The following SLIT3 variants were observed in gnomAD, a reference collection of about 807,000 sequenced individuals.
SLIT3 encodes slit homolog 3 protein.
Under a neutral mutation model 184.0 loss-of-function variants are expected in SLIT3, and 68 were observed. The ratio of observed to expected loss-of-function variants is 0.37; its 90% CI spans 0.30 to 0.45. The LOEUF is 0.45. Ranked by LOEUF, SLIT3 falls within the 20% of genes least tolerant of loss-of-function variation. The pLI is 1.00. For missense variants in SLIT3, 1,707 were observed against 2,026.0 expected (o/e 0.84, Z 3.02); for synonymous variants, 831 against 828.6 (o/e 1.00, Z -0.05).
At chr5:169,228,222 A>C (rs2113545935) in intron 3 of SLIT3, among the ~76,000 whole-genome samples, 1 of 152,294 alleles carries the variant, frequency 6.6e-6, no homozygotes, top group African/African-American at 2.4e-5. Context: ...AGAAAAACCT[A>C]GCAGTGCTGA....
In SLIT3 at chr5:169,251,242, T is replaced by A. The variant is rs1765762910; in HGVS notation, c.269+146A>T. ...AATGTGATACCTGTAAGCATGTGGGTACGCTAACGAGGGGCTTTCTGCTGC... is the reference window on the plus strand; with the variant it reads ...AATGTGATACCTGTAAGCATGTGGGAACGCTAACGAGGGGCTTTCTGCTGC... On this transcript the variant is annotated intron_variant, in intron 2 of 35. Coordinates refer to ENST00000519560, the MANE Select transcript of SLIT3 (RefSeq NM_003062.4). The A allele has an allele frequency of 1.3e-4, 84 of 648,164 alleles. 1 individual carries two copies. In the South Asian group the frequency reaches 1.5e-3, roughly 11 times the overall value. 40.2% of individuals were successfully genotyped at this position (648,164 alleles called of 1,614,324 possible). A position where few individuals can be genotyped will look rare whatever the true frequency, so the allele number is the denominator to read the frequency against.
intron 4 of SLIT3, among the ~76,000 whole-genome samples, chr5:168,914,997 A>C (rs1244517191): frequency 6.6e-6 from 1 of 152,222 alleles, no homozygotes; most frequent in African/African-American, 2.4e-5. Flanking sequence ...AGTATATAAA[A>C]ATCCATGAGT....
intron 3 of SLIT3, among the ~76,000 whole-genome samples, chr5:169,207,045 C>CTTT (rs560234312): frequency 0.029 from 4,113 of 140,814 alleles, 212 homozygotes; most frequent in African/African-American, 0.1. Flanking sequence ...TTTCCTTATT[C>CTTT]TTTTTTTTTT....
chr5:168,831,418 T>C (rs1421576289), intron 6 of SLIT3, among the ~76,000 whole-genome samples: 1 of 152,154 alleles, frequency 6.6e-6, no homozygotes, highest in Non-Finnish European at 1.5e-5. Flanking sequence ...TTCCTTGATC[T>C]CCCTGTGGAC....
intron 4 of SLIT3, among the ~76,000 whole-genome samples, chr5:168,966,991 T>C (rs555408681): frequency 6.6e-6 from 1 of 152,250 alleles, no homozygotes; most frequent in South Asian, 2.1e-4. Flanking sequence ...CCCCCAAAAA[T>C]ATATGTACAA....
chr5:169,257,097 A>G (rs1765984833), intron 1 of SLIT3, among the ~76,000 whole-genome samples: 1 of 152,162 alleles, frequency 6.6e-6, no homozygotes, highest in African/African-American at 2.4e-5. Context: ...CTGAGCATAC[A>G]GATAGATTAC....
chr5:169,296,399 C>T (rs562809563), intron 1 of SLIT3, among the ~76,000 whole-genome samples: 6 of 152,274 alleles, frequency 3.9e-5, no homozygotes, highest in South Asian at 4.2e-4. Context: ...TAATGTAATC[C>T]GTTCAGAGTT....
intron 12 of SLIT3, among the ~76,000 whole-genome samples, chr5:168,784,612 T>C (rs1160323851): frequency 6.6e-6 from 1 of 152,112 alleles, no homozygotes; most frequent in Non-Finnish European, 1.5e-5. Context: ...ATGGGAAGGG[T>C]AGAGGAAAGA....
intron 4 of SLIT3, among the ~76,000 whole-genome samples, chr5:169,047,145 C>T (rs1158425660): frequency 1.3e-5 from 2 of 152,132 alleles, no homozygotes; most frequent in East Asian, 1.9e-4. Flanking sequence ...CCTGCAGACG[C>T]CCCCAACTCA....
intron 3 of SLIT3, among the ~76,000 whole-genome samples, chr5:169,205,727 T>C (rs1174992577): frequency 6.6e-6 from 1 of 152,262 alleles, no homozygotes; most frequent in African/African-American, 2.4e-5. Flanking sequence ...AGTTGCGTGC[T>C]GCTGCCCAAG....
At chr5:169,231,270 A>G (rs1180650479) in intron 3 of SLIT3, among the ~76,000 whole-genome samples, 1 of 152,168 alleles carries the variant, frequency 6.6e-6, no homozygotes, top group Non-Finnish European at 1.5e-5. Flanking sequence ...TACAGCCTGA[A>G]GCATGTTCAC....
chr5:169,259,118 G>T (rs1766075600), intron 1 of SLIT3, among the ~76,000 whole-genome samples: 1 of 152,170 alleles, frequency 6.6e-6, no homozygotes, highest in Non-Finnish European at 1.5e-5. Flanking sequence ...TCTTGCTCAG[G>T]CTGAAGGGCA....
intron 4 of SLIT3, among the ~76,000 whole-genome samples, chr5:169,080,845 C>T (rs1273412830): frequency 6.6e-6 from 1 of 152,196 alleles, no homozygotes; most frequent in Non-Finnish European, 1.5e-5. Flanking sequence ...ACCCTAAGAA[C>T]CACTGCTCTG....
At chr5:168,738,861 C>A (rs1763522639) in intron 20 of SLIT3, among the ~76,000 whole-genome samples, 1 of 146,626 alleles carries the variant, frequency 6.8e-6, no homozygotes, top group African/African-American at 2.5e-5. Flanking sequence ...TGGCGTGAAC[C>A]CAGGAGGCGG....
intron 9 of SLIT3, among the ~76,000 whole-genome samples, chr5:168,801,251 T>C (rs17070503): frequency 0.29 from 43,894 of 152,082 alleles, 6,884 homozygotes; most frequent in African/African-American, 0.39. Flanking sequence ...CAAGAGTCAC[T>C]GATGTCCATG....
intron 4 of SLIT3, among the ~76,000 whole-genome samples, chr5:169,178,998 G>A (rs371870167): frequency 5.3e-5 from 8 of 152,196 alleles, no homozygotes; most frequent in African/African-American, 9.7e-5. Flanking sequence ...GTAGGGGTGC[G>A]GGGGCAGGAT....
chr5:169,066,389 G>A (rs1482781210), intron 4 of SLIT3, among the ~76,000 whole-genome samples: 1 of 152,164 alleles, frequency 6.6e-6, no homozygotes, highest in Non-Finnish European at 1.5e-5. Flanking sequence ...AGAACAAGAG[G>A]AGGCAATCTG....
intron 4 of SLIT3, among the ~76,000 whole-genome samples, chr5:169,164,891 C>T (rs543345594): frequency 2.0e-5 from 3 of 152,364 alleles, no homozygotes; most frequent in South Asian, 2.1e-4. Context: ...AGGCTCACTG[C>T]GTGAGCCACA....
intron 4 of SLIT3, among the ~76,000 whole-genome samples, chr5:169,016,223 G>C (rs1297204777): frequency 6.6e-6 from 1 of 152,128 alleles, no homozygotes; most frequent in Admixed American, 6.5e-5. Flanking sequence ...AGAAAAGCCA[G>C]GCAGTCTGCA....
Sources: gnomAD v4.1 joint callset for allele counts (sites outside exome capture counted in the v4.1 genomes callset) on GRCh38, gnomAD v4.1.1 for gene constraint, MANE v1.5 for transcripts, NCBI Gene and HGNC (gene_info 2026-07-23, HGNC 2026-07-21) for gene names.